CPLANE1: variants seen among roughly 807,000 people sequenced by gnomAD.
The protein encoded by CPLANE1 is ciliogenesis and planar polarity effector 1.
In CPLANE1, 263 loss-of-function variants were observed where a neutral mutation model predicts 362.5. That is an observed-to-expected ratio of 0.73 (90% CI 0.66 to 0.80). The LOEUF (loss-of-function observed/expected upper bound fraction) is 0.80, where lower values mean the gene tolerates loss of function less well. CPLANE1 is among the 30% of genes least tolerant of loss of function. The pLI is 0.00. For missense variants in CPLANE1, 3,461 were observed against 3,793.4 expected, an observed-to-expected ratio of 0.91 and a Z score of 2.30; for synonymous variants, 1,212 against 1,302.6, an observed-to-expected ratio of 0.93 and a Z score of 1.50.
chr5:37,223,837 T>C (rs1795868297), intron 14 of CPLANE1, among the ~76,000 whole-genome samples: 1 of 152,172 alleles, frequency 6.6e-6, no homozygotes, highest in African/African-American at 2.4e-5. Context: ...ATTGAGATAC[T>C]TGCAGTCTCT....
chr5:37,137,822 G>T (rs1023965969), intron 46 of CPLANE1, among the ~76,000 whole-genome samples: 1 of 151,992 alleles, frequency 6.6e-6, no homozygotes, highest in Non-Finnish European at 1.5e-5. Context: ...ATCTCCACCT[G>T]TTCCCTCCCA....
At position 37,230,955 on chromosome 5, in the gene CPLANE1, C is replaced by T. The variant is rs1580933292; in HGVS notation, c.1033G>A (p.Gly345Ser). Reference protein sequence around the residue: ...RGSLVLLTCQGELLTLITFGC... With the variant: ...RGSLVLLTCQSELLTLITFGC... ...AATGTAATTAATGTTAGCAATTCAC[C>T]TTGGCAGGTCAATAAAACCAGAGAG... Residue 345 changes from glycine to serine, a missense_variant, in exon 9 of 53, where the codon GGT (glycine) becomes AGT (serine). By Grantham distance (56) the Gly-to-Ser change is moderately conservative. Coordinates refer to ENST00000651892, the MANE Select transcript of CPLANE1 (RefSeq NM_001384732.1). The T allele has an allele frequency of 6.4e-7, 1 of 1,550,890 alleles. No homozygotes were observed. The highest frequency in any genetic ancestry group is 8.7e-7 in the Non-Finnish European group (1 of 1,146,576).
chr5:37,183,277 T>C lies in CPLANE1; in HGVS notation c.4904A>G (p.Asn1635Ser). 6.2e-7 allele frequency: 1 copy of C among 1,613,536 alleles called. No homozygotes were observed. The highest frequency in any genetic ancestry group is 1.1e-5 in the South Asian group (1 of 90,992). The stretch of plus-strand genomic sequence containing the variant: ...TTCTAAATGCATGCCATATTCATCA[T>C]TTAAAGAGGATGATTTTTCTGATTC... Reference protein sequence around the residue: ...SYESEKSSSLNDEYGMHLENQ... With the variant: ...SYESEKSSSLSDEYGMHLENQ... The change falls in exon 26 of 53, where the codon AAT becomes AGT. Residue 1635 changes from asparagine (N) to serine (S), a missense_variant. This residue lies in a region of CPLANE1 where 3,380 missense variants were observed against 3,666.1 expected (regional missense o/e 0.92). Coordinates refer to ENST00000651892, the MANE Select transcript of CPLANE1 (RefSeq NM_001384732.1).
At chr5:37,247,797 CATTTTT>C in intron 1 of CPLANE1, 52 bp from the exon 2 acceptor site, 4 of 1,175,920 alleles carry the variant, frequency 3.4e-6, no homozygotes, top group Non-Finnish European at 3.4e-6. Flanking sequence ...ATTCACTGGG[CATTTTT>C]TTTTTTTTTT....
Position 37,173,792 on chromosome 5 carries a change from C to T in CPLANE1, c.6134G>A (p.Arg2045Lys). Reference protein sequence around the residue: ...AQLPDCSESVRQMLQDEMFKL... With the variant: ...AQLPDCSESVKQMLQDEMFKL... ...AAACATTTCATCTTGCAGCATCTGC[C>T]TAACGGACTCCGAACAATCTGGTAA... Residue 2045 changes from arginine to lysine, a missense_variant, in exon 32 of 53, where the codon AGG (arginine) becomes AAG (lysine). Arg to Lys is a conservative substitution (Grantham distance 26). This residue lies in a region of CPLANE1 where 3,380 missense variants were observed against 3,666.1 expected (regional missense o/e 0.92). Transcript: ENST00000651892. The T allele has an allele frequency of 6.2e-7, 1 of 1,614,112 alleles. No individual in the cohort carries two copies. Among genetic ancestry groups the T allele is most frequent in the South Asian group, 1.1e-5 (1 of 91,072 alleles).
Position 37,164,314 on chromosome 5 carries a change from T to C in CPLANE1, c.7547A>G (p.His2516Arg), listed in dbSNP as rs755876129. Residue 2516 changes from histidine (H) to arginine (R), a missense_variant, in exon 37 of 53, where the codon CAT (histidine) becomes CGT (arginine). Physicochemically the swap from His to Arg is conservative, Grantham distance 29 (BLOSUM62 0). Coordinates refer to ENST00000651892, the MANE Select transcript of CPLANE1 (RefSeq NM_001384732.1). Reference protein sequence around the residue: ...IIKKPKEQQEHCGSHPLDDFD... With the variant: ...IIKKPKEQQERCGSHPLDDFD... ...GTCATCCAAAGGATGGGAACCACAATGTTCTTGTTGTTCCTAAATGAATTC... is the reference window on the plus strand; with the variant it reads ...GTCATCCAAAGGATGGGAACCACAACGTTCTTGTTGTTCCTAAATGAATTC... 4 of 1,612,770 alleles carry C rather than the reference T, an allele frequency of 2.5e-6. No homozygotes were observed. The highest frequency in any genetic ancestry group is 1.7e-5 in the Admixed American group (1 of 59,982).
At chr5:37,132,337 G>GTTTTTTTTTT (rs70976278) in intron 46 of CPLANE1, among the ~76,000 whole-genome samples, 1 of 77,776 alleles carries the variant, frequency 1.3e-5, no homozygotes, top group Admixed American at 1.8e-4. Flanking sequence ...GATTGTTCAA[G>GTTTTTTTTTT]TTTTTTTTTT....
At chr5:37,166,918 C>A in intron 35 of CPLANE1, 129 bp downstream of exon 35, 1 of 697,158 alleles carries the variant, frequency 1.4e-6, no homozygotes, top group Non-Finnish European at 2.3e-6. Flanking sequence ...ATGCATGACA[C>A]TTGAAAAGAA....
the CPLANE1 span, among the ~76,000 whole-genome samples, chr5:37,079,006 A>C: frequency 6.6e-6 from 1 of 152,120 alleles, no homozygotes; most frequent in Non-Finnish European, 1.5e-5. Context: ...TAAGTTGTCT[A>C]CTTGCTCTGG....
At chr5:37,114,013 G>A (rs532810829) in intron 51 of CPLANE1, among the ~76,000 whole-genome samples, 16 of 152,114 alleles carry the variant, frequency 1.1e-4, no homozygotes, top group African/African-American at 3.1e-4. Context: ...GGGTTTCACC[G>A]TGTTGGCCAG....
At chr5:37,186,136 G>A (rs1783917896) in intron 24 of CPLANE1, 150 bp downstream of exon 24, 1 of 487,186 alleles carries the variant, frequency 2.1e-6, no homozygotes, top group Admixed American at 3.7e-5. Flanking sequence ...TTTCTGCAAT[G>A]GAGAAATGTT....
At chr5:37,114,602 A>T (rs301902) in intron 51 of CPLANE1, among the ~76,000 whole-genome samples, 19,031 of 152,052 alleles carry the variant, frequency 0.13, 1,393 homozygotes, top group African/African-American at 0.2. Flanking sequence ...TAATTTTTTT[A>T]AAATTTAGTA....
chr5:37,116,988 G>A (rs535178887), intron 50 of CPLANE1, among the ~76,000 whole-genome samples: 85 of 152,238 alleles, frequency 5.6e-4, no homozygotes, highest in Middle Eastern at 3.4e-3. Context: ...AGAACAAGGG[G>A]AGCCACAGCC....
Position 37,108,481 on chromosome 5 carries a change from G to C in CPLANE1, c.9401-10C>G. 6.2e-7 allele frequency: 1 copy of C among 1,606,044 alleles called. No homozygotes were observed. The highest frequency in any genetic ancestry group is 8.5e-7 in the Non-Finnish European group (1 of 1,177,216). On this transcript the variant is annotated splice_polypyrimidine_tract_variant and intron_variant, in intron 51 of 52. Coordinates refer to ENST00000651892, the MANE Select transcript of CPLANE1 (RefSeq NM_001384732.1). The stretch of plus-strand genomic sequence containing the variant: ...CACGGAGCATTAGAGCCTTTTAAGG[G>C]ATAAGAACAAAGCACACATTGGGAT...
chr5:37,091,326 C>G, the CPLANE1 span, among the ~76,000 whole-genome samples: 3 of 152,138 alleles, frequency 2.0e-5, no homozygotes, highest in Non-Finnish European at 2.9e-5. Context: ...CATCTTTTAA[C>G]TTTTGCATTT....
the CPLANE1 span, chr5:37,085,820 A>T: frequency 7.2e-7 from 1 of 1,395,314 alleles, no homozygotes; most frequent in Non-Finnish European, 1.0e-6. Flanking sequence ...AGAGAGAGAC[A>T]AAAGACTGGG....
chr5:37,167,549 C>T (rs1216449190), intron 34 of CPLANE1, among the ~76,000 whole-genome samples: 5 of 152,102 alleles, frequency 3.3e-5, no homozygotes, highest in African/African-American at 1.2e-4. Flanking sequence ...GAGGTCGAGA[C>T]GGGCTGATCA....
intron 5 of CPLANE1, among the ~76,000 whole-genome samples, chr5:37,243,907 A>G (rs1027504724): frequency 4.0e-5 from 6 of 150,464 alleles, no homozygotes; most frequent in South Asian, 2.1e-4. Context: ...CTGGAGTGTA[A>G]TGGCACGATC....
At position 37,107,382 on chromosome 5, in the gene CPLANE1, C is replaced by T; in HGVS notation, c.*220G>A. ...CCTAATGATGCATCAAATACAAAAACATATAATACATCAATAGTCAACCCT... is the reference window on the plus strand; with the variant it reads ...CCTAATGATGCATCAAATACAAAAATATATAATACATCAATAGTCAACCCT... On this transcript the variant is annotated 3_prime_UTR_variant, in exon 53 of 53. Coordinates refer to ENST00000651892, the MANE Select transcript of CPLANE1 (RefSeq NM_001384732.1). 1 of 1,244,136 alleles carries T rather than the reference C, an allele frequency of 8.0e-7. No homozygotes were observed. Among genetic ancestry groups the T allele is most frequent in the Non-Finnish European group, 1.0e-6 (1 of 991,638 alleles). The allele number at this position is 1,244,136 out of a possible 1,614,324, so 77.1% of individuals were successfully genotyped here.
Sources: allele counts gnomAD v4.1 joint callset (sites outside exome capture counted in the v4.1 genomes callset), GRCh38; gene constraint gnomAD v4.1.1; regional missense constraint gnomAD v4.1.1; transcripts MANE v1.5; gene names NCBI Gene and HGNC (gene_info 2026-07-23, HGNC 2026-07-21).